Variants in CAMTA1 observed in about 807,000 individuals in gnomAD.
CAMTA1 encodes the protein calmodulin-binding transcription activator 1.
CAMTA1 carries 27 observed loss-of-function variants against 170.9 expected under a neutral mutation model. The observed-to-expected ratio is 0.16, with a 90% confidence interval of 0.12 to 0.22. The LOEUF (loss-of-function observed/expected upper bound fraction) is 0.22, where lower values mean the gene tolerates loss of function less well. Among genes scored for constraint, CAMTA1 ranks in the 10% least tolerant of loss-of-function variants. The pLI is 1.00. For missense variants in CAMTA1, 1,619 were observed against 2,217.2 expected (o/e 0.73, Z 5.42); for synonymous variants, 833 against 891.5 (o/e 0.93, Z 1.17).
intron 6 of CAMTA1, among the ~76,000 whole-genome samples, chr1:7,612,242 C>CT (rs1438892351): frequency 6.6e-6 from 1 of 152,132 alleles, no homozygotes; most frequent in Non-Finnish European, 1.5e-5. Flanking sequence ...GTGGAGGTGG[C>CT]TCTCAGCAGG....
chr1:7,360,247 G>A (rs2085438679), intron 5 of CAMTA1, among the ~76,000 whole-genome samples: 1 of 152,172 alleles, frequency 6.6e-6, no homozygotes, highest in Non-Finnish European at 1.5e-5. Context: ...GCATGTAAAT[G>A]TTAGGGGACT....
chr1:7,187,828 G>C (rs767115657), intron 4 of CAMTA1, among the ~76,000 whole-genome samples: 4 of 152,166 alleles, frequency 2.6e-5, no homozygotes, highest in African/African-American at 9.7e-5. Flanking sequence ...CAGTTATTTT[G>C]ATAGAACTCT....
chr1:7,104,658 C>T (rs576036012), intron 4 of CAMTA1, among the ~76,000 whole-genome samples: 36 of 152,190 alleles, frequency 2.4e-4, no homozygotes, highest in African/African-American at 8.2e-4. Flanking sequence ...TTTAAACTTT[C>T]TCCCACTCCC....
chr1:7,742,174 A>G (rs1028657299), intron 16 of CAMTA1, among the ~76,000 whole-genome samples: 1 of 152,062 alleles, frequency 6.6e-6, no homozygotes, highest in African/African-American at 2.4e-5. Context: ...TATGACAGTT[A>G]TAAACTATTG....
At chr1:6,819,298 A>C (rs1008380290) in intron 1 of CAMTA1, among the ~76,000 whole-genome samples, 2 of 137,584 alleles carry the variant, frequency 1.5e-5, no homozygotes, top group Non-Finnish European at 3.2e-5. Flanking sequence ...ATATTCAAAA[A>C]ATTTTCTTTT....
At chr1:6,878,432 A>C (rs965331495) in intron 3 of CAMTA1, among the ~76,000 whole-genome samples, 5 of 152,338 alleles carry the variant, frequency 3.3e-5, no homozygotes, top group Admixed American at 6.5e-5. Context: ...TTATCAGCTA[A>C]ATACAGTATT....
chr1:7,751,918 G>A (rs2096900610), intron 20 of CAMTA1, among the ~76,000 whole-genome samples: 2 of 152,202 alleles, frequency 1.3e-5, no homozygotes, highest in Non-Finnish European at 2.9e-5. Context: ...TTAGAGACAA[G>A]GCTATTCTTG....
chr1:6,830,226 C>T (rs1462595376), intron 3 of CAMTA1, among the ~76,000 whole-genome samples: 3 of 151,158 alleles, frequency 2.0e-5, no homozygotes, highest in South Asian at 2.1e-4. Context: ...TTAGTAGAGA[C>T]GGAGTTTCAC....
chr1:7,442,322 C>G (rs554386124), intron 5 of CAMTA1, among the ~76,000 whole-genome samples: 1 of 152,308 alleles, frequency 6.6e-6, no homozygotes, highest in African/African-American at 2.4e-5. Context: ...TGGCCTGAAT[C>G]ACAAGTAGGT....
At chr1:7,754,452 C>T (rs12569295) in intron 21 of CAMTA1, among the ~76,000 whole-genome samples, 27,374 of 152,128 alleles carry the variant, frequency 0.18, 2,913 homozygotes, top group East Asian at 0.29. Flanking sequence ...TTTGCCAAAG[C>T]TGTGTCCCGT....
intron 11 of CAMTA1, chr1:7,693,290 T>C (rs1326396348): frequency 2.0e-5 from 3 of 152,194 alleles, no homozygotes; most frequent in Non-Finnish European, 2.9e-5. Context: ...AACCATCAGA[T>C]CTCGTGAGAT....
At chr1:7,272,364 T>C (rs1421654831) in intron 5 of CAMTA1, among the ~76,000 whole-genome samples, 3 of 152,078 alleles carry the variant, frequency 2.0e-5, no homozygotes, top group African/African-American at 7.2e-5. Context: ...TATCAAACTA[T>C]CATCTGGCTT....
chr1:7,613,965 G>A (rs2095541800), intron 6 of CAMTA1, among the ~76,000 whole-genome samples: 1 of 141,958 alleles, frequency 7.0e-6, no homozygotes, highest in African/African-American at 2.6e-5. Context: ...GTGAGGAGAG[G>A]AGAGCAATGG....
At chr1:7,321,065 T>C (rs1005110107) in intron 5 of CAMTA1, among the ~76,000 whole-genome samples, 58 of 152,220 alleles carry the variant, frequency 3.8e-4, no homozygotes, top group African/African-American at 1.4e-3. Context: ...AATGAGCTCA[T>C]TGCATGTACT....
At chr1:7,098,135 G>A (rs543605227) in intron 4 of CAMTA1, among the ~76,000 whole-genome samples, 8 of 152,238 alleles carry the variant, frequency 5.3e-5, no homozygotes, top group South Asian at 2.1e-4. Flanking sequence ...GTGCGCGTGC[G>A]TGCGCATGCG....
chr1:7,213,239 G>C (rs548910184), intron 4 of CAMTA1, among the ~76,000 whole-genome samples: 19 of 152,308 alleles, frequency 1.2e-4, no homozygotes, highest in African/African-American at 4.6e-4. Context: ...ATGTACGGAT[G>C]ACCCCATTTC....
intron 18 of CAMTA1, 135 bp from the exon 19 acceptor site, chr1:7,747,575 A>G (rs1214956911): frequency 3.6e-6 from 2 of 560,504 alleles, no homozygotes; most frequent in Non-Finnish European, 6.3e-6. Flanking sequence ...CCTCATTTAT[A>G]ATTAATTATC....
intron 6 of CAMTA1, among the ~76,000 whole-genome samples, chr1:7,531,822 A>G (rs760266998): frequency 6.6e-6 from 1 of 152,238 alleles, no homozygotes; most frequent in African/African-American, 2.4e-5. Context: ...TCAGAGGACT[A>G]TGACGGGGCA....
At chr1:7,214,504 C>CTA (rs1290054554) in intron 4 of CAMTA1, among the ~76,000 whole-genome samples, 1 of 152,082 alleles carries the variant, frequency 6.6e-6, no homozygotes, top group African/African-American at 2.4e-5. Flanking sequence ...GTAGTGGGGA[C>CTA]TATAGGTGCC....
Sources: gnomAD v4.1 joint callset for allele counts (sites outside exome capture counted in the v4.1 genomes callset) on GRCh38, gnomAD v4.1.1 for gene constraint, MANE v1.5 for transcripts, NCBI Gene and HGNC (gene_info 2026-07-23, HGNC 2026-07-21) for gene names.